The following MYCBP2 variants were observed in gnomAD, a reference collection of about 807,000 sequenced individuals.
MYCBP2 encodes the protein MYC binding protein 2, also known as E3 ubiquitin-protein ligase MYCBP2.
Under a neutral mutation model 525.3 loss-of-function variants are expected in MYCBP2, and 120 were observed. The ratio of observed to expected loss-of-function variants is 0.23; its 90% confidence interval spans 0.20 to 0.27. MYCBP2 has a LOEUF of 0.27. Ranked by LOEUF, MYCBP2 falls within the 10% of genes least tolerant of loss-of-function variation. The pLI is 1.00. For synonymous variants in MYCBP2, 1,894 were observed against 1,955.8 expected (o/e 0.97, Z 0.83); for missense variants, 4,149 against 5,657.1 (o/e 0.73, Z 8.55).
intron 24 of MYCBP2, among the ~76,000 whole-genome samples, 159 bp downstream of exon 24, chr13:77,206,494 T>C (rs906763460): frequency 6.6e-6 from 1 of 152,100 alleles, no homozygotes; most frequent in Admixed American, 6.5e-5. Flanking sequence ...CATGTATTGT[T>C]TTCTGTGGAA....
At chr13:77,179,698 G>A (rs1486167653) in intron 34 of MYCBP2, among the ~76,000 whole-genome samples, 1 of 152,182 alleles carries the variant, frequency 6.6e-6, no homozygotes, top group African/African-American at 2.4e-5. Context: ...CCAATTTTAA[G>A]TATGTATTTC....
rs186316595 is a variant in MYCBP2 at position 77,262,138 on chromosome 13, C to T, written c.1571-9G>A. ...CTCATCAAATCCTGTACCTGAAATA[C>T]GAGACTAATAAATACTATTGCATTT... On this transcript the variant is annotated splice_polypyrimidine_tract_variant and intron_variant, in intron 10 of 82. Coordinates refer to ENST00000544440, the MANE Select transcript of MYCBP2 (RefSeq NM_015057.5). The T allele has an allele frequency of 1.6e-5, 25 of 1,600,560 alleles. No homozygotes were observed. The East Asian group carries it at 1.6e-4, about 10-fold the overall frequency.
chr13:77,077,693 T>A, intron 66 of MYCBP2: 1 of 242,444 alleles, frequency 4.1e-6, no homozygotes, highest in Non-Finnish European at 8.0e-6. Context: ...ATTATATGAG[T>A]GAAATAATTA....
intron 56 of MYCBP2, 136 bp from the exon 57 acceptor site, chr13:77,096,617 G>T: frequency 5.5e-6 from 5 of 907,244 alleles, no homozygotes; most frequent in Non-Finnish European, 7.9e-6. Flanking sequence ...TATTTTTCAG[G>T]CTATTAACTA....
At chr13:77,103,883 A>T (rs2047450621) in intron 55 of MYCBP2, among the ~76,000 whole-genome samples, 1 of 152,060 alleles carries the variant, frequency 6.6e-6, no homozygotes. Context: ...TGTTTTGTAG[A>T]TCCTACTTCT....
intron 65 of MYCBP2, among the ~76,000 whole-genome samples, chr13:77,079,678 T>G (rs868092694): frequency 6.6e-6 from 1 of 152,128 alleles, no homozygotes; most frequent in Non-Finnish European, 1.5e-5. Flanking sequence ...CTAGAAGTGT[T>G]TTGGATTAGG....
intron 46 of MYCBP2, among the ~76,000 whole-genome samples, chr13:77,152,794 G>A (rs2056668961): frequency 6.6e-6 from 1 of 152,104 alleles, no homozygotes; most frequent in Admixed American, 6.5e-5. Flanking sequence ...GGCTGGGCGC[G>A]GTGGCTCACG....
In MYCBP2 at chr13:77,130,363, TGA is replaced by T. The variant is rs2052537364; in HGVS notation, c.7660-3823_7660-3822del. On this transcript the variant is annotated intron_variant, in intron 52 of 82. Transcript: ENST00000544440. ...TTTCTCATTATCTCATTTTAGATAA[TGA>T]GACTTTATTTACTGTTTTCTAGTTC... 2.0e-5 allele frequency among the ~76,000 whole-genome samples: 3 copies of T among 151,940 alleles called. No homozygotes were observed. In the South Asian group the frequency reaches 6.2e-4, roughly 31 times the overall value.
At chr13:77,088,745 T>C (rs2044822867) in intron 61 of MYCBP2, 87 bp downstream of exon 61, 1 of 1,178,890 alleles carries the variant, frequency 8.5e-7, no homozygotes, top group South Asian at 1.4e-5. Context: ...ACACAATTTC[T>C]GTTGGTAAAA....
chr13:77,077,612 A>G, intron 66 of MYCBP2: 1 of 452,602 alleles, frequency 2.2e-6, no homozygotes, highest in Non-Finnish European at 3.8e-6. Flanking sequence ...ATACAGGTTA[A>G]GGGATTTTCA....
intron 49 of MYCBP2, 74 bp from the exon 50 acceptor site, chr13:77,141,017 A>G (rs1191837009): frequency 9.7e-7 from 1 of 1,030,886 alleles, no homozygotes; most frequent in Non-Finnish European, 1.5e-6. Context: ...AATCTTATAA[A>G]CATCCACAGG....
chr13:77,078,985 T>A, intron 65 of MYCBP2, 96 bp from the exon 66 acceptor site: 1 of 997,954 alleles, frequency 1.0e-6, no homozygotes, highest in African/African-American at 1.6e-5. Flanking sequence ...TCAACTCTTC[T>A]GCCTGTCTCT....
intron 55 of MYCBP2, chr13:77,100,399 C>T (rs1263106359): frequency 1.3e-5 from 2 of 151,994 alleles, no homozygotes; most frequent in African/African-American, 4.8e-5. Context: ...TCCAGGAATA[C>T]AGTAGGTATT....
chr13:77,071,235 G>A (rs1048999802), intron 68 of MYCBP2, among the ~76,000 whole-genome samples: 2 of 23,300 alleles, frequency 8.6e-5, no homozygotes, highest in East Asian at 1.5e-3. Context: ...ATATATGTGT[G>A]TGTATATATA....
intron 15 of MYCBP2, among the ~76,000 whole-genome samples, chr13:77,245,612 G>A (rs2154319814): frequency 6.6e-6 from 1 of 150,982 alleles, no homozygotes; most frequent in East Asian, 2.0e-4. Context: ...GTTGGGGGGT[G>A]GGGGCTAGGG....
intron 44 of MYCBP2, among the ~76,000 whole-genome samples, chr13:77,159,748 T>C (rs1012975044): frequency 1.3e-5 from 2 of 152,194 alleles, no homozygotes; most frequent in African/African-American, 4.8e-5. Context: ...TCCTCAGCCA[T>C]GTAGGGAACT....
chr13:77,061,533 A>G (rs1231455816), intron 75 of MYCBP2, 129 bp downstream of exon 75: 10 of 1,088,216 alleles, frequency 9.2e-6, no homozygotes, highest in Non-Finnish European at 1.3e-5. Context: ...TAAGCGAGAC[A>G]GCTGTGAACT....
intron 3 of MYCBP2, among the ~76,000 whole-genome samples, chr13:77,283,654 T>C (rs1039712823): frequency 6.6e-6 from 1 of 152,170 alleles, no homozygotes; most frequent in Admixed American, 6.5e-5. Context: ...CCCAGTACTT[T>C]GGAAGGCTGA....
chr13:77,221,307 T>G (rs2065524442), intron 20 of MYCBP2, among the ~76,000 whole-genome samples: 1 of 152,178 alleles, frequency 6.6e-6, no homozygotes, highest in African/African-American at 2.4e-5. Flanking sequence ...CTCTTCAGAC[T>G]TGGGAATCGA....
Sources: gnomAD v4.1 joint callset for allele counts (sites outside exome capture counted in the v4.1 genomes callset) on GRCh38, gnomAD v4.1.1 for gene constraint, MANE v1.5 for transcripts, NCBI Gene and HGNC (gene_info 2026-07-23, HGNC 2026-07-21) for gene names.